RAB3B: variants seen among roughly 807,000 people sequenced by gnomAD.
The protein encoded by RAB3B is ras-related protein Rab-3B.
A neutral mutation model predicts 20.5 loss-of-function variants in RAB3B; 11 were observed. The observed-to-expected ratio is 0.54, with a 90% CI of 0.34 to 0.89. The LOEUF (loss-of-function observed/expected upper bound fraction) is 0.89, where lower values mean the gene tolerates loss of function less well. Ranked by LOEUF, RAB3B falls within the 40% of genes least tolerant of loss-of-function variation. The pLI is 0.02. For synonymous variants in RAB3B, 99 were observed against 106.3 expected (o/e 0.93, Z 0.42); for missense variants, 225 against 280.9 (o/e 0.80, Z 1.42).
Position 51,908,081 on chromosome 1 carries a change from T to C in RAB3B, c.*11846A>G, listed in dbSNP as rs917690846. ...ACACAGAACAAGGAAACACCATAGA[T>C]ATTTGTAAATGAGATCTTCTCTTTT... is the stretch of plus-strand genomic sequence containing the variant. On this transcript the variant is annotated 3_prime_UTR_variant, in exon 5 of 5. Transcript: ENST00000371655. The C allele has an allele frequency of 1.7e-4, 26 of 152,322 alleles. No homozygotes were observed. The highest frequency in any genetic ancestry group is 6.0e-4 in the African/African-American group (25 of 41,586). The allele number at this position is 152,322 out of a possible 1,614,324, so 9.4% of individuals were successfully genotyped here.
At position 51,984,387 on chromosome 1, in the gene RAB3B, C is replaced by CT. The variant is rs949424495; in HGVS notation, c.-1+6164dup. Among the ~76,000 whole-genome samples, 716 of 98,934 alleles carry CT rather than the reference C, an allele frequency of 7.2e-3. 39 individuals carry two copies. The highest frequency in any genetic ancestry group is 0.011 in the South Asian group (27 of 2,528). The allele number at this position is 98,934 out of a possible 152,430, so 64.9% of individuals were successfully genotyped here. A position where few individuals can be genotyped will look rare whatever the true frequency, so the allele number is the denominator to read the frequency against. The stretch of plus-strand genomic sequence containing the variant: ...CTATAGATGTGTCATAAGACCAATT[C>CT]TTTTTTTTTTTTTTTTTTTTTGAGA... On this transcript the variant is annotated intron_variant, in intron 1 of 4. Transcript: ENST00000371655.
chr1:51,914,813 G>A lies in RAB3B; in HGVS notation c.*5114C>T, dbSNP rs1684059133. The A allele has an allele frequency of 6.6e-6, 1 of 152,070 alleles. No individual in the cohort carries two copies. The highest frequency in any genetic ancestry group is 2.4e-5 in the African/African-American group (1 of 41,388). The allele number at this position is 152,070 out of a possible 1,614,324, so 9.4% of individuals were successfully genotyped here. A position where few individuals can be genotyped will look rare whatever the true frequency, so the allele number is the denominator to read the frequency against. On this transcript the variant is annotated 3_prime_UTR_variant, in exon 5 of 5. Coordinates refer to ENST00000371655, the MANE Select transcript of RAB3B (RefSeq NM_002867.4). ...TCTTTCCCCTTCCCCTAAACTGTTG[G>A]CAAACAAAGTCAAACAAACATTCCT...
Position 51,908,426 on chromosome 1 carries a change from T to C in RAB3B, c.*11501A>G, listed in dbSNP as rs1683949863. 6.6e-6 allele frequency: 1 copy of C among 151,908 alleles called. No individual in the cohort carries two copies. The highest frequency in any genetic ancestry group is 1.5e-5 in the Non-Finnish European group (1 of 67,982). 9.4% of individuals were successfully genotyped at this position (151,908 alleles called of 1,614,324 possible). On this transcript the variant is annotated 3_prime_UTR_variant, in exon 5 of 5. Coordinates refer to ENST00000371655, the MANE Select transcript of RAB3B (RefSeq NM_002867.4). ...CAGTTGAATAAATTAGAAAGAGCAG[T>C]TGGGGGAATTGAATATGATATGCAA...
intron 1 of RAB3B, among the ~76,000 whole-genome samples, chr1:51,989,101 G>GTGCACACA (rs749312487): frequency 3.3e-4 from 8 of 24,012 alleles, no homozygotes; most frequent in Non-Finnish European, 7.2e-4. Flanking sequence ...ACCTGTGCGC[G>GTGCACACA]CGCACACACA....
At chr1:51,985,330 C>A (rs571566553) in intron 1 of RAB3B, among the ~76,000 whole-genome samples, 1 of 152,300 alleles carries the variant, frequency 6.6e-6, no homozygotes, top group East Asian at 1.9e-4. Flanking sequence ...TCCATCCTTA[C>A]ATCTGGTCAA....
intron 4 of RAB3B, among the ~76,000 whole-genome samples, chr1:51,926,651 C>T (rs1268955155): frequency 1.3e-5 from 2 of 152,174 alleles, no homozygotes; most frequent in African/African-American, 4.8e-5. Context: ...AGAAATCTCA[C>T]CAATATTGTG....
chr1:51,967,515 C>CTTTTTTTTTTTTTTTTTTTT (rs67927521), intron 2 of RAB3B, among the ~76,000 whole-genome samples: 1 of 16,432 alleles, frequency 6.1e-5, no homozygotes, highest in African/African-American at 9.3e-5. Flanking sequence ...CTTTTCTTTT[C>CTTTTTTTTTTTTTTTTTTTT]TTTTTCTTTT....
At chr1:51,974,334 CACAAAA>C (rs1418336419) in intron 2 of RAB3B, among the ~76,000 whole-genome samples, 4 of 152,186 alleles carry the variant, frequency 2.6e-5, no homozygotes, top group African/African-American at 9.7e-5. Flanking sequence ...GTTAGCCAGC[CACAAAA>C]CCACCTGGAA....
intron 2 of RAB3B, among the ~76,000 whole-genome samples, chr1:51,955,852 T>C (rs1227981323): frequency 3.3e-5 from 5 of 152,162 alleles, no homozygotes; most frequent in Admixed American, 2.0e-4. Context: ...TCTGGTCTCA[T>C]AGCTGCTTTC....
At chr1:51,934,098 C>T (rs1387804219) in intron 3 of RAB3B, among the ~76,000 whole-genome samples, 1 of 152,184 alleles carries the variant, frequency 6.6e-6, no homozygotes, top group Non-Finnish European at 1.5e-5. Context: ...TTCTTAAAAG[C>T]CTTCTCTGGC....
chr1:51,941,591 G>C (rs907372039), intron 2 of RAB3B, among the ~76,000 whole-genome samples: 1 of 152,208 alleles, frequency 6.6e-6, no homozygotes, highest in Non-Finnish European at 1.5e-5. Flanking sequence ...GAAAAACAAA[G>C]ATAGCAGTTG....
chr1:51,968,332 A>G (rs906791723), intron 2 of RAB3B, among the ~76,000 whole-genome samples: 1 of 152,258 alleles, frequency 6.6e-6, no homozygotes, highest in African/African-American at 2.4e-5. Flanking sequence ...GAAGCCTATT[A>G]GACAGCTACC....
At chr1:51,952,689 A>T (rs1173982936) in intron 2 of RAB3B, among the ~76,000 whole-genome samples, 1 of 152,246 alleles carries the variant, frequency 6.6e-6, no homozygotes, top group Non-Finnish European at 1.5e-5. Flanking sequence ...GAATGAACAA[A>T]GGAATGAATA....
chr1:51,964,001 A>G (rs1257051616), intron 2 of RAB3B, among the ~76,000 whole-genome samples: 1 of 152,148 alleles, frequency 6.6e-6, no homozygotes, highest in Non-Finnish European at 1.5e-5. Context: ...CAAATCTTAA[A>G]AAAACAAAAA....
intron 2 of RAB3B, among the ~76,000 whole-genome samples, chr1:51,965,929 T>C (rs191633084): frequency 1.1e-4 from 16 of 152,314 alleles, no homozygotes; most frequent in Non-Finnish European, 1.9e-4. Flanking sequence ...AACTTTTCTA[T>C]AAACCTAAAA....
At chr1:51,920,201 A>T in intron 4 of RAB3B, 87 bp from the exon 5 acceptor site, 3 of 1,215,578 alleles carry the variant, frequency 2.5e-6, no homozygotes, top group Non-Finnish European at 3.4e-6. Context: ...ACTCTGGATT[A>T]ATATGTCCAG....
chr1:51,949,254 C>T (rs1684603288), intron 2 of RAB3B, among the ~76,000 whole-genome samples: 1 of 152,236 alleles, frequency 6.6e-6, no homozygotes, highest in African/African-American at 2.4e-5. Flanking sequence ...AATGCCCTTG[C>T]GTTCTATAAT....
At chr1:51,949,638 G>A (rs959882279) in intron 2 of RAB3B, among the ~76,000 whole-genome samples, 3 of 152,204 alleles carry the variant, frequency 2.0e-5, no homozygotes, top group Non-Finnish European at 4.4e-5. Context: ...CCCAGGCAGG[G>A]GTGCCTGCAA....
intron 2 of RAB3B, among the ~76,000 whole-genome samples, chr1:51,954,857 T>A (rs774042360): frequency 7.9e-5 from 12 of 152,258 alleles, no homozygotes; most frequent in Non-Finnish European, 1.3e-4. Flanking sequence ...GGAAACATAG[T>A]ACTTAAAATA....
Sources: allele counts gnomAD v4.1 joint callset (sites outside exome capture counted in the v4.1 genomes callset), GRCh38; gene constraint gnomAD v4.1.1; transcripts MANE v1.5; gene names NCBI Gene and HGNC (gene_info 2026-07-23, HGNC 2026-07-21).